Variants in TANC1 observed in about 807,000 individuals in gnomAD.
TANC1 encodes protein TANC1.
A neutral mutation model predicts 149.7 loss-of-function variants in TANC1; 77 were observed. The ratio of observed to expected loss-of-function variants is 0.51; its 90% CI spans 0.43 to 0.62. The LOEUF (loss-of-function observed/expected upper bound fraction) is 0.62, where lower values mean the gene tolerates loss of function less well. TANC1 is among the 20% of genes least tolerant of loss of function. The pLI, the probability that TANC1 is intolerant of heterozygous loss-of-function variation, is 0.00. For missense variants in TANC1, 1,985 were observed against 2,321.8 expected (o/e 0.85, Z 2.98); for synonymous variants, 854 against 925.0 (o/e 0.92, Z 1.39).
chr2:159,127,394 CAG>C (rs2049567932), intron 4 of TANC1, among the ~76,000 whole-genome samples: 2 of 152,346 alleles, frequency 1.3e-5, no homozygotes, highest in African/African-American at 4.8e-5. Flanking sequence ...TCATGGAAGA[CAG>C]TGTGGCGATT....
At chr2:159,079,879 C>T (rs264588) in intron 3 of TANC1, among the ~76,000 whole-genome samples, 1 of 152,096 alleles carries the variant, frequency 6.6e-6, no homozygotes, top group Non-Finnish European at 1.5e-5. Flanking sequence ...TCCTTTTGCC[C>T]CTATTTTTGT....
rs376793882 is a variant in TANC1 at position 159,076,234 on chromosome 2, T to C, written c.61+10263T>C. ...TAATGCAAATTTTCTATATGACTTA[T>C]CCAGAAAGCTTCTTGGGGAATTTTT... On this transcript the variant is annotated intron_variant, in intron 3 of 26. Transcript: ENST00000263635. Among the ~76,000 whole-genome samples the C allele has an allele frequency of 1.5e-3, 221 of 152,340 alleles. 1 individual carries two copies. Among genetic ancestry groups the C allele is most frequent in the African/African-American group, 5.0e-3 (208 of 41,582 alleles).
At chr2:159,110,833 T>A (rs2047653868) in intron 4 of TANC1, among the ~76,000 whole-genome samples, 1 of 152,188 alleles carries the variant, frequency 6.6e-6, no homozygotes, top group Non-Finnish European at 1.5e-5. Flanking sequence ...TCAAATGCCC[T>A]CCAGTGGGAT....
At chr2:159,181,234 A>G (rs2056433993) in intron 14 of TANC1, among the ~76,000 whole-genome samples, 1 of 151,656 alleles carries the variant, frequency 6.6e-6, no homozygotes, top group African/African-American at 2.4e-5. Context: ...TTCATTTTTC[A>G]TGGTTGTGCA....
At chr2:159,202,483 C>T (rs1290085668) in intron 19 of TANC1, among the ~76,000 whole-genome samples, 1 of 152,152 alleles carries the variant, frequency 6.6e-6, no homozygotes, top group Non-Finnish European at 1.5e-5. Context: ...TCACCAGCAT[C>T]CAGGACCATT....
intron 1 of TANC1, among the ~76,000 whole-genome samples, chr2:158,976,763 C>T (rs539913684): frequency 1.3e-5 from 2 of 152,238 alleles, no homozygotes; most frequent in South Asian, 2.1e-4. Flanking sequence ...CACCTGTAAT[C>T]TCAGCTACTC....
rs186422322 is a variant in TANC1, at chr2:159,061,576, C to T, written c.-15-4320C>T. On this transcript the variant is annotated intron_variant, in intron 2 of 26. Coordinates refer to ENST00000263635, the MANE Select transcript of TANC1 (RefSeq NM_033394.3). ...CTGTCCATTCTTCATTGTACTTAAG[C>T]GTAAAAATTCAAGTTTCCTAAGTCT... 2.2e-4 allele frequency among the ~76,000 whole-genome samples: 33 copies of T among 152,294 alleles called. 1 individual carries two copies. Among genetic ancestry groups the T allele is most frequent in the Middle Eastern group, 6.8e-3 (2 of 294 alleles).
At chr2:159,170,861 A>G in intron 10 of TANC1, 56 bp downstream of exon 10, 1 of 1,572,804 alleles carries the variant, frequency 6.4e-7, no homozygotes, top group Non-Finnish European at 8.7e-7. Flanking sequence ...GATGGAGGAA[A>G]TTGCTGTTCA....
intron 22 of TANC1, among the ~76,000 whole-genome samples, chr2:159,221,498 C>T (rs1418467608): frequency 1.3e-5 from 2 of 152,276 alleles, no homozygotes; most frequent in East Asian, 3.9e-4. Flanking sequence ...CTACCCTTTC[C>T]GCAGGTCCCC....
chr2:159,219,975 AGAGTGTGTGTGTGTGTGTGT>A lies in TANC1; in HGVS notation c.3678+110_3678+129del, dbSNP rs1279511219. The A allele has an allele frequency of 2.0e-4, 148 of 748,232 alleles. 1 individual carries two copies. In the South Asian group the frequency reaches 2.5e-3, roughly 13 times the overall value. 46.3% of individuals were successfully genotyped at this position (748,232 alleles called of 1,614,324 possible). ...TGAGGTTGTGTCTCAGTGTCATCAG[AGAGTGTGTGTGTGTGTGTGT>A]GTGTGTGTGTGTGTGTGTGTGTGTG... On this transcript the variant is annotated intron_variant, in intron 22 of 26. Transcript: ENST00000263635.
intron 6 of TANC1, chr2:159,149,572 CT>C: frequency 2.7e-6 from 1 of 365,724 alleles, no homozygotes; most frequent in Non-Finnish European, 5.2e-6. Context: ...GCTACCAGTA[CT>C]TTTACCTTTA....
chr2:159,221,649 G>A (rs1040308375), intron 22 of TANC1, among the ~76,000 whole-genome samples: 1 of 152,134 alleles, frequency 6.6e-6, no homozygotes, highest in Non-Finnish European at 1.5e-5. Flanking sequence ...CATCCATGTT[G>A]TGGCTAATGA....
chr2:158,972,031 A>G (rs567437821), intron 1 of TANC1, among the ~76,000 whole-genome samples: 3 of 152,348 alleles, frequency 2.0e-5, no homozygotes, highest in African/African-American at 7.2e-5. Flanking sequence ...CAGGGTTAAC[A>G]TCTATGCTTT....
intron 1 of TANC1, among the ~76,000 whole-genome samples, chr2:158,980,837 C>G (rs1006042897): frequency 6.6e-6 from 1 of 151,280 alleles, no homozygotes; most frequent in Non-Finnish European, 1.5e-5. Flanking sequence ...TTTTGGAAAC[C>G]AAGATTCAAT....
chr2:158,988,913 A>G (rs765335221), intron 1 of TANC1, among the ~76,000 whole-genome samples: 2 of 152,036 alleles, frequency 1.3e-5, no homozygotes, highest in Non-Finnish European at 2.9e-5. Flanking sequence ...CCTAATAGGC[A>G]TTTCCTGGGG....
At chr2:159,079,067 T>TG (rs1041451330) in intron 3 of TANC1, among the ~76,000 whole-genome samples, 1 of 152,116 alleles carries the variant, frequency 6.6e-6, no homozygotes, top group African/African-American at 2.4e-5. Flanking sequence ...AGATTTATAT[T>TG]GGGGGTTTTT....
At chr2:159,160,424 T>A (rs535685030) in intron 7 of TANC1, among the ~76,000 whole-genome samples, 1 of 152,344 alleles carries the variant, frequency 6.6e-6, no homozygotes, top group South Asian at 2.1e-4. Flanking sequence ...TTGACTGGGT[T>A]AACCTGATTA....
intron 19 of TANC1, among the ~76,000 whole-genome samples, chr2:159,200,832 G>C (rs776738704): frequency 8.5e-5 from 13 of 152,214 alleles, no homozygotes; most frequent in Admixed American, 5.2e-4. Context: ...GCTGTTGGCA[G>C]AATTCATCTC....
At chr2:159,165,260 C>T (rs767420046) in intron 8 of TANC1, among the ~76,000 whole-genome samples, 2 of 152,088 alleles carry the variant, frequency 1.3e-5, no homozygotes, top group Admixed American at 6.5e-5. Context: ...AGGAGGCTGC[C>T]GTGATTATAG....
Sources: allele counts gnomAD v4.1 joint callset (sites outside exome capture counted in the v4.1 genomes callset), GRCh38; gene constraint gnomAD v4.1.1; transcripts MANE v1.5; gene names NCBI Gene and HGNC (gene_info 2026-07-23, HGNC 2026-07-21).